WDPCP: variants seen among roughly 807,000 people sequenced by gnomAD.
WDPCP encodes the protein WD repeat-containing and planar cell polarity effector protein fritz homolog.
WDPCP carries 71 observed loss-of-function variants against 93.1 expected under a neutral mutation model. That is an observed-to-expected ratio of 0.76 (90% CI 0.63 to 0.93). WDPCP has a LOEUF of 0.93. Among genes scored for constraint, WDPCP ranks in the 40% least tolerant of loss-of-function variants. The pLI, the probability that WDPCP is intolerant of heterozygous loss-of-function variation, is 0.00. For synonymous variants in WDPCP, 315 were observed against 315.0 expected (o/e 1.00, Z 0.00); for missense variants, 844 against 887.4 (o/e 0.95, Z 0.62).
intron 12 of WDPCP, among the ~76,000 whole-genome samples, chr2:63,338,399 A>C (rs1449980449): frequency 1.3e-5 from 2 of 151,488 alleles, no homozygotes; most frequent in East Asian, 1.9e-4. Context: ...TAAAGATACA[A>C]AAATTAGCCA....
At chr2:63,444,452 C>A (rs903921489) in intron 6 of WDPCP, among the ~76,000 whole-genome samples, 2 of 152,032 alleles carry the variant, frequency 1.3e-5, no homozygotes, top group African/African-American at 4.8e-5. Context: ...AATATTCCAG[C>A]CCAGACAGGA....
At chr2:63,206,055 C>CT (rs1559202075) in intron 14 of WDPCP, among the ~76,000 whole-genome samples, 1 of 152,116 alleles carries the variant, frequency 6.6e-6, no homozygotes, top group Non-Finnish European at 1.5e-5. Context: ...TTATCAAATG[C>CT]TTTTTTGGCA....
intron 1 of WDPCP, among the ~76,000 whole-genome samples, chr2:63,542,024 T>C (rs1704780611): frequency 6.6e-6 from 1 of 152,238 alleles, no homozygotes; most frequent in Non-Finnish European, 1.5e-5. Context: ...TCTCTATCAG[T>C]TCTCTATATA....
chr2:63,297,522 T>C (rs1008735315), intron 13 of WDPCP, among the ~76,000 whole-genome samples: 1 of 152,120 alleles, frequency 6.6e-6, no homozygotes, highest in African/African-American at 2.4e-5. Flanking sequence ...TACAGTCAGG[T>C]ATGTGGAGGA....
chr2:63,399,579 G>C (rs972056838), intron 10 of WDPCP, among the ~76,000 whole-genome samples: 2 of 40,886 alleles, frequency 4.9e-5, no homozygotes, highest in Non-Finnish European at 1.0e-4. Flanking sequence ...AGGAGAGATT[G>C]AGAGAGAGAG....
At chr2:63,281,285 C>T (rs1168179216) in intron 13 of WDPCP, among the ~76,000 whole-genome samples, 1 of 152,162 alleles carries the variant, frequency 6.6e-6, no homozygotes, top group African/African-American at 2.4e-5. Flanking sequence ...AATGTGATAC[C>T]ACTTTACTTC....
chr2:63,230,471 C>A (rs567388476), intron 14 of WDPCP, among the ~76,000 whole-genome samples: 7 of 152,230 alleles, frequency 4.6e-5, no homozygotes, highest in African/African-American at 7.2e-5. Flanking sequence ...ATGGCTGGGT[C>A]AAATGGTATT....
At chr2:63,685,582 G>T (rs576644060) in intron 2 of WDPCP, among the ~76,000 whole-genome samples, 1 of 152,234 alleles carries the variant, frequency 6.6e-6, no homozygotes, top group Admixed American at 6.5e-5. Context: ...TAGGTGAAGG[G>T]AATACTTCCA....
At chr2:63,571,412 C>T (rs1458996728) in intron 1 of WDPCP, 7 of 464,894 alleles carry the variant, frequency 1.5e-5, no homozygotes, top group Non-Finnish European at 3.1e-5. Flanking sequence ...TCCAAGTTTC[C>T]ATCTGGTATC....
At chr2:63,612,458 C>A (rs1709624240) in intron 3 of WDPCP, among the ~76,000 whole-genome samples, 1 of 152,196 alleles carries the variant, frequency 6.6e-6, no homozygotes, top group African/African-American at 2.4e-5. Flanking sequence ...TTCCCAGCGC[C>A]TCCCTTGTCT....
chr2:63,264,821 T>C (rs2104810700), intron 13 of WDPCP, among the ~76,000 whole-genome samples: 1 of 152,334 alleles, frequency 6.6e-6, no homozygotes, highest in Non-Finnish European at 1.5e-5. Flanking sequence ...TATGATATGC[T>C]GGGCCACAAA....
At chr2:63,763,004 A>C (rs911121891) in intron 2 of WDPCP, among the ~76,000 whole-genome samples, 1 of 152,216 alleles carries the variant, frequency 6.6e-6, no homozygotes, top group Non-Finnish European at 1.5e-5. Flanking sequence ...GTTGGGATAC[A>C]ACAGTGACCA....
intron 3 of WDPCP, among the ~76,000 whole-genome samples, chr2:63,615,161 G>A (rs1017420822): frequency 2.0e-5 from 3 of 152,200 alleles, no homozygotes; most frequent in African/African-American, 7.2e-5. Flanking sequence ...GGAAGATCAG[G>A]CTGCAAACAC....
chr2:63,449,527 T>G (rs1480357434), intron 6 of WDPCP, among the ~76,000 whole-genome samples: 1 of 152,066 alleles, frequency 6.6e-6, no homozygotes, highest in Non-Finnish European at 1.5e-5. Flanking sequence ...CATCCAAGAT[T>G]GACTGGGACC....
At chr2:63,268,919 A>T (rs1379551563) in intron 13 of WDPCP, among the ~76,000 whole-genome samples, 1 of 152,204 alleles carries the variant, frequency 6.6e-6, no homozygotes, top group African/African-American at 2.4e-5. Flanking sequence ...ATATACACAC[A>T]TCACATTGTA....
chr2:63,588,688 G>A (rs542103483), upstream of WDPCP: 17 of 472,050 alleles, frequency 3.6e-5, no homozygotes, highest in African/African-American at 5.8e-5. Flanking sequence ...CAATTGCCGG[G>A]CTCCATCAGG....
chr2:63,801,720 G>A (rs1463971013), intron 2 of WDPCP, among the ~76,000 whole-genome samples: 2 of 152,160 alleles, frequency 1.3e-5, no homozygotes, highest in Non-Finnish European at 2.9e-5. Flanking sequence ...GAAAGTTCCT[G>A]ATTGGTGCGT....
intron 1 of WDPCP, among the ~76,000 whole-genome samples, chr2:63,553,690 A>T (rs1195843789): frequency 7.2e-5 from 11 of 152,142 alleles, no homozygotes; most frequent in African/African-American, 2.7e-4. Context: ...ATTGGGTCAT[A>T]GGGATATTCA....
In WDPCP at chr2:63,627,555, T is replaced by C. The variant is rs183839762; in HGVS notation, n.488+23104A>G. ...ATGGCCCGACCTGCCCCCCATCTTG[T>C]ACCCATAAAAACCCTAGGCTCCACT... On this transcript the variant is annotated intron_variant and non_coding_transcript_variant, in intron 3 of 4. Coordinates refer to the WDPCP transcript ENST00000467687. 2.6e-3 allele frequency among the ~76,000 whole-genome samples: 398 copies of C among 152,212 alleles called. 4 individuals carry two copies. Among genetic ancestry groups the C allele is most frequent in the Non-Finnish European group, 3.4e-3 (233 of 67,986 alleles).
Sources: gnomAD v4.1 joint callset for allele counts (sites outside exome capture counted in the v4.1 genomes callset) on GRCh38, gnomAD v4.1.1 for gene constraint, MANE v1.5 for transcripts, NCBI Gene and HGNC (gene_info 2026-07-23, HGNC 2026-07-21) for gene names.